The following ALKBH1 variants were observed in gnomAD, a reference collection of about 807,000 sequenced individuals.
ALKBH1 encodes nucleic acid dioxygenase ALKBH1.
Under a neutral mutation model 36.6 loss-of-function variants are expected in ALKBH1, and 31 were observed. The ratio of observed to expected loss-of-function variants is 0.85; its 90% CI spans 0.64 to 1.14. ALKBH1 has a LOEUF of 1.14. Among genes scored for constraint, ALKBH1 ranks in the 50% most tolerant of loss-of-function variants. ALKBH1 has a pLI of 0.00. For synonymous variants in ALKBH1, 183 were observed against 186.6 expected, an observed-to-expected ratio of 0.98 and a Z score of 0.16; for missense variants, 490 against 497.3, an observed-to-expected ratio of 0.99 and a Z score of 0.14.
chr14:77,704,199 G>A (rs541265915), intron 2 of ALKBH1, among the ~76,000 whole-genome samples, 170 bp downstream of exon 2: 4 of 152,196 alleles, frequency 2.6e-5, no homozygotes, highest in East Asian at 1.9e-4. Flanking sequence ...CTTTCAAAAC[G>A]GACGTCTTAG....
chr14:77,676,957 C>G (rs778408293), intron 4 of ALKBH1, among the ~76,000 whole-genome samples: 1 of 152,078 alleles, frequency 6.6e-6, no homozygotes, highest in African/African-American at 2.4e-5. Flanking sequence ...CCTGAACTTA[C>G]TTCCCTGGGC....
chr14:77,696,776 C>T (rs2284234), intron 2 of ALKBH1: 52,803 of 152,404 alleles, frequency 0.35, 9,452 homozygotes, highest in Non-Finnish European at 0.4. Context: ...AATACGCTGA[C>T]AGATGAGCAA....
At chr14:77,674,272 T>C (rs768540568) in intron 5 of ALKBH1, 31 bp from the exon 6 acceptor site, 3 of 1,502,916 alleles carry the variant, frequency 2.0e-6, no homozygotes, top group Admixed American at 2.4e-5. Flanking sequence ...CACACAACAA[T>C]AAAAAAGTAT....
At chr14:77,682,529 GGAT>G (rs1340770130) in intron 3 of ALKBH1, among the ~76,000 whole-genome samples, 1 of 152,040 alleles carries the variant, frequency 6.6e-6, no homozygotes, top group Non-Finnish European at 1.5e-5. Flanking sequence ...TTGAAGAAAA[GGAT>G]GATGATGATG....
At chr14:77,685,905 T>C (rs913800472) in intron 3 of ALKBH1, among the ~76,000 whole-genome samples, 3 of 152,158 alleles carry the variant, frequency 2.0e-5, no homozygotes, top group African/African-American at 7.2e-5. Context: ...AAAATTGTGA[T>C]CTTTGAGTGT....
rs559900463 is a variant in ALKBH1, at chr14:77,675,960, C to T, written c.547-111G>A. On this transcript the variant is annotated intron_variant, in intron 4 of 5. Coordinates refer to ENST00000216489, the MANE Select transcript of ALKBH1 (RefSeq NM_006020.3). The stretch of plus-strand genomic sequence containing the variant: ...AATCTTACTTACAAAGTCATATTAA[C>T]ATATTAACACAGCATTATCTATCCA... The T allele has an allele frequency of 3.3e-4, 271 of 833,778 alleles. No homozygotes were observed. In the East Asian group the frequency reaches 7.1e-3, roughly 22 times the overall value. 51.6% of individuals were successfully genotyped at this position (833,778 alleles called of 1,614,324 possible).
chr14:77,700,241 G>C (rs934903789), intron 2 of ALKBH1, among the ~76,000 whole-genome samples: 5 of 152,076 alleles, frequency 3.3e-5, no homozygotes, highest in African/African-American at 1.2e-4. Flanking sequence ...TTCCTCTACT[G>C]TACTAAATCT....
chr14:77,694,622 A>AG (rs2139858906), intron 3 of ALKBH1, 116 bp downstream of exon 3: 1 of 769,224 alleles, frequency 1.3e-6, no homozygotes, highest in Non-Finnish European at 1.9e-6. Flanking sequence ...GAAACAATGA[A>AG]GGGAAAAAAA....
At chr14:77,704,041 A>C (rs751147248) in intron 2 of ALKBH1, among the ~76,000 whole-genome samples, 5 of 152,248 alleles carry the variant, frequency 3.3e-5, no homozygotes, top group Non-Finnish European at 7.3e-5. Flanking sequence ...ATTTATTACA[A>C]TGATAATGAT....
In ALKBH1 at chr14:77,674,041, G is replaced by A. The variant is rs201388565; in HGVS notation, c.941C>T (p.Pro314Leu). Reference sequence around the variant, plus strand: ...ACAAGGCTCTACCATTGAATCTCTCGGGAGGACAGCAGGGAGAGGTGCCTC... The same window carrying A: ...ACAAGGCTCTACCATTGAATCTCTCAGGAGGACAGCAGGGAGAGGTGCCTC... ...CLEAPLPAVL[P>L]RDSMVEPCSM... Residue 314 changes from proline (P) to leucine (L), a missense_variant, in exon 6 of 6, where the codon CCG becomes CTG. Physicochemically the swap from Pro to Leu is moderately conservative, Grantham distance 98. Coordinates refer to ENST00000216489, the MANE Select transcript of ALKBH1 (RefSeq NM_006020.3). 8.2e-5 allele frequency: 132 copies of A among 1,614,156 alleles called. 1 individual carries two copies. Among genetic ancestry groups the A allele is most frequent in the Non-Finnish European group, 5.8e-5 (69 of 1,180,032 alleles).
intron 3 of ALKBH1, among the ~76,000 whole-genome samples, chr14:77,688,921 A>G (rs964176595): frequency 2.7e-5 from 4 of 150,630 alleles, no homozygotes; most frequent in African/African-American, 7.4e-5. Context: ...TTTTCAGTCA[A>G]TTTCCTCCAC....
At chr14:77,705,561 G>C (rs534563870) in intron 1 of ALKBH1, among the ~76,000 whole-genome samples, 2 of 152,250 alleles carry the variant, frequency 1.3e-5, no homozygotes, top group East Asian at 3.9e-4. Flanking sequence ...TCCAACTGAC[G>C]CTACAACTTC....
intron 1 of ALKBH1, among the ~76,000 whole-genome samples, chr14:77,707,112 A>AT (rs1222793718): frequency 2.0e-5 from 3 of 152,138 alleles, no homozygotes; most frequent in Admixed American, 1.3e-4. Context: ...AGACTGGCTA[A>AT]TTTTTTGTAT....
intron 1 of ALKBH1, among the ~76,000 whole-genome samples, chr14:77,705,411 G>GAAAAAAAAAAAAA (rs56123313): frequency 8.8e-6 from 1 of 113,376 alleles, no homozygotes; most frequent in African/African-American, 3.4e-5. Context: ...CTCCGTCTAA[G>GAAAAAAAAAAAAA]AAAAAAAAAA....
chr14:77,682,927 C>T (rs554369431), intron 3 of ALKBH1, among the ~76,000 whole-genome samples: 23 of 152,268 alleles, frequency 1.5e-4, no homozygotes, highest in African/African-American at 5.5e-4. Flanking sequence ...GAACTCCTGA[C>T]CTCAGGTGGT....
At chr14:77,704,065 C>T (rs767002922) in intron 2 of ALKBH1, among the ~76,000 whole-genome samples, 2 of 152,180 alleles carry the variant, frequency 1.3e-5, no homozygotes, top group East Asian at 1.9e-4. Flanking sequence ...TTATTCTTCA[C>T]AGCACTTCTG....
intron 3 of ALKBH1, among the ~76,000 whole-genome samples, chr14:77,690,035 G>C (rs2080288924): frequency 6.6e-6 from 1 of 152,100 alleles, no homozygotes; most frequent in South Asian, 2.1e-4. Flanking sequence ...AGAAGATAAA[G>C]AATGAGGGGA....
chr14:77,690,823 C>T (rs1164894083), intron 3 of ALKBH1, among the ~76,000 whole-genome samples: 20 of 149,790 alleles, frequency 1.3e-4, no homozygotes, highest in Non-Finnish European at 8.9e-5. Flanking sequence ...TTTTTTGAGA[C>T]GGAGTTTCAC....
At chr14:77,699,421 G>GT (rs1252523701) in intron 2 of ALKBH1, among the ~76,000 whole-genome samples, 2 of 152,178 alleles carry the variant, frequency 1.3e-5, no homozygotes, top group African/African-American at 4.8e-5. Context: ...CAATAAGTAA[G>GT]TTTATTCCTA....
Sources: allele counts gnomAD v4.1 joint callset (sites outside exome capture counted in the v4.1 genomes callset), GRCh38; gene constraint gnomAD v4.1.1; transcripts MANE v1.5; gene names NCBI Gene and HGNC (gene_info 2026-07-23, HGNC 2026-07-21).